FAM47E: variants seen among roughly 807,000 people sequenced by gnomAD.
FAM47E encodes protein FAM47E.
FAM47E carries 32 observed loss-of-function variants against 41.6 expected under a neutral mutation model. The observed-to-expected ratio is 0.77, with a 90% CI of 0.58 to 1.03. The LOEUF is 1.03. Ranked by LOEUF, FAM47E falls within the 50% of genes least tolerant of loss-of-function variation. The probability of loss-of-function intolerance (pLI) is 0.00; values close to 1 mark genes in which losing one functional copy is unlikely to be tolerated. For missense variants in FAM47E, 424 were observed against 485.4 expected, an observed-to-expected ratio of 0.87 and a Z score of 1.19; for synonymous variants, 184 against 188.7, an observed-to-expected ratio of 0.98 and a Z score of 0.20.
At chr4:76,227,000 T>TTTTGTTTG (rs56371323) in intron 2 of FAM47E, among the ~76,000 whole-genome samples, 4 of 151,398 alleles carry the variant, frequency 2.6e-5, no homozygotes, top group South Asian at 2.1e-4. Context: ...GTCTTTCGAA[T>TTTTGTTTG]TTTGTTTGTT....
chr4:76,223,792 GACTCTCC>G (rs796360162), intron 2 of FAM47E, among the ~76,000 whole-genome samples: 4 of 152,248 alleles, frequency 2.6e-5, no homozygotes, highest in East Asian at 1.9e-4. Context: ...CTGGTATTTG[GACTCTCC>G]ACTCTCCACC....
rs1733226857 is a variant in FAM47E, at chr4:76,217,407, G to A, written c.-29-172G>A. Among the ~76,000 whole-genome samples, 3 of 152,300 alleles carry A rather than the reference G, an allele frequency of 2.0e-5. No individual in the cohort carries two copies. In the South Asian group the frequency reaches 6.2e-4, roughly 32 times the overall value. On this transcript the variant is annotated intron_variant, in intron 1 of 7. Coordinates refer to the FAM47E transcript ENST00000510197. Reference sequence around the variant, plus strand: ...TGTTGGAGGTGGGGCCTAATGGGAGGTGTTTGGGTCCTGAGGAGAGATTGT... The same window carrying A: ...TGTTGGAGGTGGGGCCTAATGGGAGATGTTTGGGTCCTGAGGAGAGATTGT...
At chr4:76,230,105 T>G (rs1278988209) in intron 2 of FAM47E, among the ~76,000 whole-genome samples, 2 of 152,132 alleles carry the variant, frequency 1.3e-5, no homozygotes, top group Non-Finnish European at 2.9e-5. Flanking sequence ...AAAGTTTATG[T>G]CTTTTGTGAT....
At chr4:76,253,046 C>T (rs1734040104) in intron 1 of FAM47E, among the ~76,000 whole-genome samples, 1 of 152,192 alleles carries the variant, frequency 6.6e-6, no homozygotes, top group African/African-American at 2.4e-5. Context: ...TTTCCCACCC[C>T]AGCCTTGTCA....
intron 2 of FAM47E, among the ~76,000 whole-genome samples, chr4:76,218,806 T>C (rs1411694022): frequency 2.6e-5 from 4 of 152,088 alleles, no homozygotes; most frequent in Non-Finnish European, 4.4e-5. Context: ...AGTCAGGAGA[T>C]CAAAGAGGAG....
At chr4:76,220,020 T>C (rs1361090326) in intron 2 of FAM47E, among the ~76,000 whole-genome samples, 1 of 152,236 alleles carries the variant, frequency 6.6e-6, no homozygotes, top group Non-Finnish European at 1.5e-5. Context: ...TAGTGTTTGC[T>C]TCAATTGCAC....
chr4:76,229,909 C>T (rs1382798934), intron 2 of FAM47E, among the ~76,000 whole-genome samples: 1 of 152,146 alleles, frequency 6.6e-6, no homozygotes, highest in East Asian at 1.9e-4. Flanking sequence ...TTTTCTCCTC[C>T]CTTGGAGCAG....
intron 2 of FAM47E, among the ~76,000 whole-genome samples, chr4:76,238,023 A>G (rs1035364818): frequency 3.3e-5 from 5 of 152,190 alleles, no homozygotes; most frequent in African/African-American, 9.7e-5. Context: ...GTAGCCCTGT[A>G]ATGATATAGA....
chr4:76,256,649 A>G (rs913234190), intron 2 of FAM47E, 126 bp downstream of exon 2: 6 of 1,217,940 alleles, frequency 4.9e-6, no homozygotes, highest in African/African-American at 3.1e-5. Context: ...TGTCTCCCCC[A>G]GGATGCGAGT....
intron 2 of FAM47E, among the ~76,000 whole-genome samples, chr4:76,262,365 A>C (rs1050344781): frequency 1.3e-5 from 2 of 152,146 alleles, no homozygotes; most frequent in African/African-American, 4.8e-5. Context: ...CCCATAATCT[A>C]TCTCTCTTAT....
chr4:76,259,214 G>A (rs770749975), intron 2 of FAM47E, among the ~76,000 whole-genome samples: 40 of 152,144 alleles, frequency 2.6e-4, no homozygotes, highest in Non-Finnish European at 4.3e-4. Context: ...ATGTGACACC[G>A]TTTGTCAGAG....
At chr4:76,221,023 C>T (rs1160922481) in intron 2 of FAM47E, among the ~76,000 whole-genome samples, 1 of 152,180 alleles carries the variant, frequency 6.6e-6, no homozygotes, top group Non-Finnish European at 1.5e-5. Context: ...CCCAAGGTCC[C>T]TCACTGATTC....
At chr4:76,242,130 A>T (rs1733724997) in intron 2 of FAM47E, among the ~76,000 whole-genome samples, 1 of 152,202 alleles carries the variant, frequency 6.6e-6, no homozygotes, top group African/African-American at 2.4e-5. Flanking sequence ...TTACGGATAA[A>T]TTTAGTGATA....
chr4:76,251,849 G>T lies in FAM47E; in HGVS notation c.74+29G>T, dbSNP rs1026124779. On this transcript the variant is annotated intron_variant, in intron 1 of 7. Transcript: ENST00000424749. ...AACACTCAGCGCCCGGGCCGAGGGC[G>T]CATCCCACGCGGGCCGCGCGGGGGC... The T allele has an allele frequency of 5.8e-6, 8 of 1,387,968 alleles. No homozygotes were observed. The African/African-American group carries it at 1.2e-4, about 21-fold the overall frequency. 86.0% of individuals were successfully genotyped at this position (1,387,968 alleles called of 1,614,324 possible).
rs796893693 is a variant in FAM47E, at chr4:76,276,037, G to GACACACAC, written c.871-2007_871-2000dup. 1.8e-3 allele frequency among the ~76,000 whole-genome samples: 112 copies of GACACACAC among 62,398 alleles called. 1 individual carries two copies. Among genetic ancestry groups the GACACACAC allele is most frequent in the African/African-American group, 3.8e-3 (58 of 15,460 alleles). 40.9% of individuals were successfully genotyped at this position (62,398 alleles called of 152,430 possible). A position where few individuals can be genotyped will look rare whatever the true frequency, so the allele number is the denominator to read the frequency against. ...GGACAGACAGACAGACAGACAGACA[G>GACACACAC]ACACACACACACACACACACACACA... On this transcript the variant is annotated intron_variant, in intron 5 of 7. Coordinates refer to ENST00000424749, the MANE Select transcript of FAM47E (RefSeq NM_001136570.3).
chr4:76,260,129 C>A (rs1031100814), intron 2 of FAM47E, among the ~76,000 whole-genome samples: 2 of 152,110 alleles, frequency 1.3e-5, no homozygotes, highest in Admixed American at 1.3e-4. Flanking sequence ...GTCAAAATGA[C>A]CATACTATCC....
chr4:76,277,547 T>TAA (rs11330357), intron 5 of FAM47E, among the ~76,000 whole-genome samples: 12 of 148,654 alleles, frequency 8.1e-5, no homozygotes, highest in African/African-American at 1.7e-4. Context: ...AGCAGTTTGA[T>TAA]AAAAAAAAAA....
At chr4:76,253,715 G>T (rs923960838) in intron 1 of FAM47E, among the ~76,000 whole-genome samples, 1 of 151,780 alleles carries the variant, frequency 6.6e-6, no homozygotes, top group Non-Finnish European at 1.5e-5. Flanking sequence ...GAGGTGGAGG[G>T]ATTACTTGAG....
upstream of FAM47E, among the ~76,000 whole-genome samples, chr4:76,250,739 CTAATTA>C (rs1733939360): frequency 6.6e-6 from 1 of 152,082 alleles, no homozygotes; most frequent in South Asian, 2.1e-4. Context: ...AACAATTGGG[CTAATTA>C]TAATGATTAC....
Sources: allele counts gnomAD v4.1 joint callset (sites outside exome capture counted in the v4.1 genomes callset), GRCh38; gene constraint gnomAD v4.1.1; transcripts MANE v1.5; gene names NCBI Gene and HGNC (gene_info 2026-07-23, HGNC 2026-07-21).